DTWD2: variants seen among roughly 807,000 people sequenced by gnomAD.
DTWD2 encodes the protein tRNA-uridine aminocarboxypropyltransferase 2.
DTWD2 carries 39 observed loss-of-function variants against 31.8 expected under a neutral mutation model. The ratio of observed to expected loss-of-function variants is 1.22; its 90% confidence interval spans 0.95 to 1.60. The LOEUF is 1.60. Ranked by LOEUF, DTWD2 falls within the 40% of genes most tolerant of loss-of-function variation. The pLI, the probability that DTWD2 is intolerant of heterozygous loss-of-function variation, is 0.00. For synonymous variants in DTWD2, 180 were observed against 142.8 expected (o/e 1.26, Z -1.86); for missense variants, 515 against 381.5 (o/e 1.35, Z -2.92).
intron 4 of DTWD2, among the ~76,000 whole-genome samples, chr5:118,875,367 T>C (rs1217818039): frequency 6.6e-6 from 1 of 151,958 alleles, no homozygotes; most frequent in Admixed American, 6.6e-5. Context: ...TATCCTTAAA[T>C]GTAAATGGGC....
chr5:118,907,487 T>C (rs1460769837), intron 4 of DTWD2, among the ~76,000 whole-genome samples: 1 of 152,022 alleles, frequency 6.6e-6, no homozygotes, highest in African/African-American at 2.4e-5. Context: ...ACCCAGCACT[T>C]TGGGAGGCCA....
In DTWD2 at chr5:118,988,523, C is replaced by A; in HGVS notation, c.-12G>T. The stretch of plus-strand genomic sequence containing the variant: ...TTCTGCGACTCCATGGCGGACACTC[C>A]GGTCAGGCCGTGGCATTGAAGCCCG... On this transcript the variant is annotated 5_prime_UTR_variant, in exon 1 of 6. Coordinates refer to ENST00000510708, the MANE Select transcript of DTWD2 (RefSeq NM_173666.4). 6.5e-7 allele frequency: 1 copy of A among 1,529,600 alleles called. No individual in the cohort carries two copies. Among genetic ancestry groups the A allele is most frequent in the Non-Finnish European group, 8.8e-7 (1 of 1,141,546 alleles). The allele number at this position is 1,529,600 out of a possible 1,614,324, so 94.8% of individuals were successfully genotyped here. A position where few individuals can be genotyped will look rare whatever the true frequency, so the allele number is the denominator to read the frequency against.
intron 1 of DTWD2, among the ~76,000 whole-genome samples, chr5:118,984,743 GT>G (rs765978960): frequency 3.3e-5 from 5 of 152,106 alleles, no homozygotes; most frequent in Admixed American, 6.5e-5. Flanking sequence ...AAAACATGCT[GT>G]TTTTAGACAT....
chr5:118,901,961 A>C (rs867753537), intron 4 of DTWD2, among the ~76,000 whole-genome samples: 2 of 152,290 alleles, frequency 1.3e-5, no homozygotes, highest in South Asian at 4.1e-4. Flanking sequence ...CAGGTGATTG[A>C]CTATAACCTC....
chr5:118,958,896 C>T (rs1169621339), intron 1 of DTWD2, among the ~76,000 whole-genome samples: 1 of 152,148 alleles, frequency 6.6e-6, no homozygotes, highest in Non-Finnish European at 1.5e-5. Flanking sequence ...TAAAATCCAG[C>T]ATCCCTTCAT....
At chr5:118,929,613 A>C (rs767831127) in intron 3 of DTWD2, among the ~76,000 whole-genome samples, 104 of 152,088 alleles carry the variant, frequency 6.8e-4, no homozygotes, top group Non-Finnish European at 1.1e-3. Flanking sequence ...AAATTCCTTT[A>C]AATTTAATTT....
chr5:118,854,932 C>T (rs992864424), intron 4 of DTWD2, among the ~76,000 whole-genome samples: 4 of 152,014 alleles, frequency 2.6e-5, no homozygotes, highest in South Asian at 2.1e-4. Flanking sequence ...GTGGCTCACA[C>T]CTGTAATCTC....
chr5:118,847,885 A>G (rs892220446), intron 5 of DTWD2, among the ~76,000 whole-genome samples: 2 of 151,144 alleles, frequency 1.3e-5, no homozygotes, highest in South Asian at 4.1e-4. Flanking sequence ...TTTAGTATGA[A>G]TATTTAAATA....
At chr5:118,969,785 A>C (rs1754941143) in intron 1 of DTWD2, among the ~76,000 whole-genome samples, 1 of 152,166 alleles carries the variant, frequency 6.6e-6, no homozygotes, top group South Asian at 2.1e-4. Context: ...ACTCCAGATG[A>C]CTGCAACACC....
intron 1 of DTWD2, among the ~76,000 whole-genome samples, chr5:118,970,759 A>G (rs1437923461): frequency 6.6e-6 from 1 of 152,224 alleles, no homozygotes; most frequent in Non-Finnish European, 1.5e-5. Flanking sequence ...GGTAACCTAC[A>G]AAGAGAAGTC....
chr5:118,837,673 G>A lies in DTWD2; in HGVS notation c.*3244C>T, dbSNP rs1054414143. On this transcript the variant is annotated 3_prime_UTR_variant, in exon 6 of 6. Transcript: ENST00000510708. ...TATAATTTACTGAGAGGCCAAGGCA[G>A]AAGGATCGCTTGAGGCCAGGAGTTC... The A allele has an allele frequency of 6.6e-6, 1 of 152,204 alleles. No individual in the cohort carries two copies. Among genetic ancestry groups the A allele is most frequent in the Non-Finnish European group, 1.5e-5 (1 of 68,050 alleles). The allele number at this position is 152,204 out of a possible 1,614,324, so 9.4% of individuals were successfully genotyped here. A position where few individuals can be genotyped will look rare whatever the true frequency, so the allele number is the denominator to read the frequency against.
At chr5:118,950,009 G>C (rs975101967) in intron 1 of DTWD2, among the ~76,000 whole-genome samples, 2 of 152,062 alleles carry the variant, frequency 1.3e-5, no homozygotes, top group African/African-American at 2.4e-5. Context: ...AGGAGATCGA[G>C]ACCATCCTGG....
At position 118,836,528 on chromosome 5, in the gene DTWD2, C is replaced by T. The variant is rs773754302; in HGVS notation, c.*4389G>A. ...CTGGAATTACAGATGTGAGCCACCA[C>T]GCTTGGCTCAAGTGAATAATTCTTA... On this transcript the variant is annotated 3_prime_UTR_variant, in exon 6 of 6. Coordinates refer to ENST00000510708, the MANE Select transcript of DTWD2 (RefSeq NM_173666.4). 2.2e-4 allele frequency among the ~76,000 whole-genome samples: 33 copies of T among 152,264 alleles called. No individual in the cohort carries two copies. The highest frequency in any genetic ancestry group is 4.4e-4 in the Non-Finnish European group (30 of 68,024).
intron 3 of DTWD2, among the ~76,000 whole-genome samples, chr5:118,929,170 T>C (rs1168964579): frequency 6.6e-6 from 1 of 152,224 alleles, no homozygotes; most frequent in African/African-American, 2.4e-5. Flanking sequence ...AAAGAGAAGT[T>C]CGGTTGCATA....
intron 4 of DTWD2, among the ~76,000 whole-genome samples, chr5:118,889,143 G>C (rs977204387): frequency 6.6e-6 from 1 of 151,898 alleles, no homozygotes; most frequent in Non-Finnish European, 1.5e-5. Context: ...TCATGCTTTT[G>C]GTGAAATCAT....
At chr5:118,889,899 G>A (rs766537129) in intron 4 of DTWD2, among the ~76,000 whole-genome samples, 2 of 152,036 alleles carry the variant, frequency 1.3e-5, no homozygotes, top group African/African-American at 2.4e-5. Flanking sequence ...CTTCAAAAAC[G>A]TATGCATCAT....
intron 4 of DTWD2, among the ~76,000 whole-genome samples, chr5:118,908,731 G>C (rs146354025): frequency 6.6e-6 from 1 of 150,780 alleles, no homozygotes; most frequent in East Asian, 1.9e-4. Context: ...AATGTAACCT[G>C]AAGACTGCAC....
chr5:118,911,968 C>T (rs953291823), intron 4 of DTWD2, among the ~76,000 whole-genome samples: 12 of 152,198 alleles, frequency 7.9e-5, no homozygotes, highest in African/African-American at 1.2e-4. Flanking sequence ...CTAACCAACA[C>T]GTCACTCAGC....
At chr5:118,880,897 T>G (rs1188305935) in intron 4 of DTWD2, among the ~76,000 whole-genome samples, 3 of 152,196 alleles carry the variant, frequency 2.0e-5, no homozygotes, top group East Asian at 1.9e-4. Flanking sequence ...AATATTTTTA[T>G]ACAGCTTTTT....
Sources: allele counts gnomAD v4.1 joint callset (sites outside exome capture counted in the v4.1 genomes callset), GRCh38; gene constraint gnomAD v4.1.1; transcripts MANE v1.5; gene names NCBI Gene and HGNC (gene_info 2026-07-23, HGNC 2026-07-21).